OTOG: variants seen among roughly 807,000 people sequenced by gnomAD.
The protein encoded by OTOG is otogelin.
A neutral mutation model predicts 313.8 loss-of-function variants in OTOG; 296 were observed. The ratio of observed to expected loss-of-function variants is 0.94; its 90% CI spans 0.86 to 1.04. OTOG has a LOEUF of 1.04. OTOG is among the 50% of genes least tolerant of loss of function. The pLI is 0.00. For synonymous variants in OTOG, 1,533 were observed against 1,554.9 expected (o/e 0.99, Z 0.33); for missense variants, 3,948 against 3,840.1 (o/e 1.03, Z -0.74).
At chr11:17,555,359 A>G (rs1852034749) in intron 6 of OTOG, among the ~76,000 whole-genome samples, 1 of 151,728 alleles carries the variant, frequency 6.6e-6, no homozygotes, top group South Asian at 2.1e-4. Context: ...TCATGGGAGA[A>G]ATTTATGGGG....
In OTOG at chr11:17,572,215, G is replaced by T. The variant is rs536430418; in HGVS notation, c.2080+11G>T. On this transcript the variant is annotated intron_variant, in intron 18 of 55. Coordinates refer to ENST00000399397, the MANE Select transcript of OTOG (RefSeq NM_001292063.2). ...TGCACCTGCAAGCCGGTGAGTTGGT[G>T]GGGGAAGAGGAGAGGCATGGTTGAG... The T allele has an allele frequency of 2.0e-5, 31 of 1,550,132 alleles. No homozygotes were observed. Among genetic ancestry groups the T allele is most frequent in the Non-Finnish European group, 2.5e-5 (29 of 1,146,744 alleles).
intron 3 of OTOG, among the ~76,000 whole-genome samples, chr11:17,549,746 G>A (rs1307618612): frequency 6.6e-6 from 1 of 152,102 alleles, no homozygotes; most frequent in Non-Finnish European, 1.5e-5. Context: ...CTTTTCCTTG[G>A]GGAAGGGTCA....
At chr11:17,616,614 G>A (rs1314815214) in intron 39 of OTOG, among the ~76,000 whole-genome samples, 5 of 152,076 alleles carry the variant, frequency 3.3e-5, no homozygotes, top group Admixed American at 2.6e-4. Context: ...TTATTCCTAA[G>A]TAGTTTATAT....
intron 40 of OTOG, among the ~76,000 whole-genome samples, chr11:17,629,992 T>TAC (rs147815246): frequency 3.3e-5 from 5 of 149,372 alleles, no homozygotes; most frequent in African/African-American, 7.6e-5. Flanking sequence ...CACACACACA[T>TAC]ACACACACAC....
Position 17,574,726 on chromosome 11 carries a change from C to T in OTOG, c.2300C>T (p.Ser767Phe), listed in dbSNP as rs751618218. The change falls in exon 20 of 56, where the codon TCC becomes TTC. Residue 767 changes from serine to phenylalanine, a missense_variant. Ser to Phe is a radical substitution (Grantham distance 155). Coordinates refer to ENST00000399397, the MANE Select transcript of OTOG (RefSeq NM_001292063.2). The part of the protein sequence containing the change: ...FRARLPACAL[S>F]CEASKEYSPC... ...CACTCCCCCCTCACTGCAGCACTGT[C>T]CTGTGAGGCCTCCAAGGAGTATAGC... is the stretch of plus-strand genomic sequence containing the variant. The T allele has an allele frequency of 3.2e-5, 49 of 1,550,368 alleles. No individual in the cohort carries two copies. In the African/African-American group the frequency reaches 5.1e-4, roughly 16 times the overall value.
At chr11:17,568,187 G>A (rs965999933) in intron 15 of OTOG, among the ~76,000 whole-genome samples, 5 of 152,154 alleles carry the variant, frequency 3.3e-5, no homozygotes, top group African/African-American at 9.7e-5. Context: ...GATTACAGGC[G>A]TGAGCCACCG....
At chr11:17,551,857 A>T in intron 3 of OTOG, 143 bp from the exon 4 acceptor site, 1 of 686,640 alleles carries the variant, frequency 1.5e-6, no homozygotes, top group Non-Finnish European at 2.6e-6. Context: ...GGGCCAGGCG[A>T]GGAGGAGTGG....
chr11:17,588,552 C>T (rs889729202), intron 24 of OTOG, among the ~76,000 whole-genome samples: 4 of 152,090 alleles, frequency 2.6e-5, no homozygotes, highest in Admixed American at 6.5e-5. Flanking sequence ...TAGGAAGCCA[C>T]GTGGAGTCAG....
At chr11:17,554,018 G>T (rs991307486) in intron 6 of OTOG, among the ~76,000 whole-genome samples, 3 of 152,196 alleles carry the variant, frequency 2.0e-5, no homozygotes, top group Non-Finnish European at 2.9e-5. Flanking sequence ...TTTAAGTTGA[G>T]GTTTAAGGAA....
At chr11:17,636,685 T>C (rs1171022139) in intron 47 of OTOG, among the ~76,000 whole-genome samples, 1 of 152,092 alleles carries the variant, frequency 6.6e-6, no homozygotes, top group Non-Finnish European at 1.5e-5. Flanking sequence ...TCTGTCTTTC[T>C]CTTTCTATCA....
At position 17,609,581 on chromosome 11, in the gene OTOG, C is replaced by T. The variant is rs1391901012; in HGVS notation, c.4355-74C>T. 15 of 1,334,566 alleles carry T rather than the reference C, an allele frequency of 1.1e-5. No homozygotes were observed. In the South Asian group the frequency reaches 1.8e-4, roughly 16 times the overall value. 82.7% of individuals were successfully genotyped at this position (1,334,566 alleles called of 1,614,324 possible). The stretch of plus-strand genomic sequence containing the variant: ...GAGTGCCAGTCCTCAAGCCTCACAC[C>T]ACAGCCCTGCCCAGCAATGACCCCC... On this transcript the variant is annotated intron_variant, in intron 35 of 55. Transcript: ENST00000399397.
At position 17,599,714 on chromosome 11, in the gene OTOG, C is replaced by T. The variant is rs1853198932; in HGVS notation, c.3709+17C>T. 6.5e-7 allele frequency: 1 copy of T among 1,550,184 alleles called. No individual in the cohort carries two copies. Among genetic ancestry groups the T allele is most frequent in the Admixed American group, 2.0e-5 (1 of 50,992 alleles). ...TTAACAAAGGTAAGCCCCTCCTCCC[C>T]ACGCAGAGTCTCAGGGGCTCAGGCA... On this transcript the variant is annotated intron_variant, in intron 31 of 55. Coordinates refer to ENST00000399397, the MANE Select transcript of OTOG (RefSeq NM_001292063.2).
chr11:17,631,958 C>G (rs1437356752), intron 41 of OTOG, 36 bp downstream of exon 41: 1 of 1,545,636 alleles, frequency 6.5e-7, no homozygotes, highest in Admixed American at 2.0e-5. Context: ...GGGGACACCT[C>G]CTGGGCTGGC....
chr11:17,632,972 G>C (rs1203505098), intron 42 of OTOG, among the ~76,000 whole-genome samples: 2 of 152,156 alleles, frequency 1.3e-5, no homozygotes, highest in Non-Finnish European at 2.9e-5. Flanking sequence ...AAATACAATA[G>C]AATAGAAAAT....
At chr11:17,634,508 C>A (rs974591028) in intron 44 of OTOG, among the ~76,000 whole-genome samples, 4 of 152,046 alleles carry the variant, frequency 2.6e-5, no homozygotes, top group Non-Finnish European at 2.9e-5. Context: ...CTTCCTCCCC[C>A]ACCTGTAGCC....
Position 17,611,386 on chromosome 11 carries a change from C to T in OTOG, c.6086C>T (p.Ala2029Val). 1 of 1,540,420 alleles carries T rather than the reference C, an allele frequency of 6.5e-7. No individual in the cohort carries two copies. Among genetic ancestry groups the T allele is most frequent in the East Asian group, 2.5e-5 (1 of 40,674 alleles). The change falls in exon 36 of 56, where the codon GCA (alanine) becomes GTA (valine). Residue 2029 changes from alanine to valine, a missense_variant. Transcript: ENST00000399397. Reference sequence around the variant, plus strand: ...GTAGAGGGTTTGGCGGAGGCTTTGGCAACTACCACTGAGGCCAATACATCC... The same window carrying T: ...GTAGAGGGTTTGGCGGAGGCTTTGGTAACTACCACTGAGGCCAATACATCC... ...SIVEGLAEALATTTEANTSTT... is the reference protein window; with the variant it reads ...SIVEGLAEALVTTTEANTSTT...
chr11:17,590,732 A>C (rs554051841), intron 24 of OTOG, among the ~76,000 whole-genome samples: 8 of 151,094 alleles, frequency 5.3e-5, no homozygotes, highest in African/African-American at 1.9e-4. Context: ...TTCCTCTTCT[A>C]CTCTCTTGCC....
chr11:17,609,358 A>AGAGG, intron 35 of OTOG, 149 bp downstream of exon 35: 4 of 738,684 alleles, frequency 5.4e-6, no homozygotes, highest in Middle Eastern at 5.2e-4. Flanking sequence ...CAGGGGATGC[A>AGAGG]GAGGCCTCAT....
At chr11:17,615,626 G>T (rs1165349168) in intron 39 of OTOG, among the ~76,000 whole-genome samples, 1 of 152,100 alleles carries the variant, frequency 6.6e-6, no homozygotes, top group African/African-American at 2.4e-5. Flanking sequence ...AATTGTCTTT[G>T]AACCTTTATT....
Sources: gnomAD v4.1 joint callset for allele counts (sites outside exome capture counted in the v4.1 genomes callset) on GRCh38, gnomAD v4.1.1 for gene constraint, MANE v1.5 for transcripts, NCBI Gene and HGNC (gene_info 2026-07-23, HGNC 2026-07-21) for gene names.